Variants in PPP4R3A observed in about 807,000 individuals in gnomAD.
PPP4R3A encodes the protein protein phosphatase 4 regulatory subunit 3A.
Under a neutral mutation model 91.7 loss-of-function variants are expected in PPP4R3A, and 15 were observed. The ratio of observed to expected loss-of-function variants is 0.16; its 90% confidence interval spans 0.11 to 0.25. PPP4R3A has a LOEUF of 0.25. PPP4R3A is among the 10% of genes least tolerant of loss of function. PPP4R3A has a pLI of 1.00. For missense variants in PPP4R3A, 623 were observed against 998.4 expected (o/e 0.62, Z 5.07); for synonymous variants, 377 against 348.7 (o/e 1.08, Z -0.91).
chr14:91,467,684 G>A (rs1451600097), intron 10 of PPP4R3A, among the ~76,000 whole-genome samples: 1 of 152,182 alleles, frequency 6.6e-6, no homozygotes, highest in East Asian at 1.9e-4. Context: ...ATTGATAGAT[G>A]TGATATCTAG....
intron 11 of PPP4R3A, 119 bp downstream of exon 11, chr14:91,465,130 CT>C (rs34464175): frequency 0.46 from 280,497 of 609,388 alleles, 27,120 homozygotes; most frequent in African/African-American, 0.52. Context: ...GCTTTTAGTA[CT>C]TTTTTTTTTT....
intron 14 of PPP4R3A, among the ~76,000 whole-genome samples, chr14:91,461,102 G>A (rs8006289): frequency 0.029 from 4,374 of 152,238 alleles, 212 homozygotes; most frequent in African/African-American, 0.099. Context: ...GAACATTTCT[G>A]TAAATGTTTT....
intron 9 of PPP4R3A, among the ~76,000 whole-genome samples, chr14:91,471,626 G>C (rs550023269): frequency 1.2e-4 from 18 of 152,188 alleles, no homozygotes; most frequent in Admixed American, 1.2e-3. Context: ...AGAACATGTG[G>C]TTTGGAAAGA....
Position 91,481,804 on chromosome 14 carries a change from A to T in PPP4R3A, c.687T>A (p.Ala229=). Reference sequence around the variant, plus strand: ...CCCTGTGTTTTCGTGGTTGTGATAAAGCAGGATCATATTCTAAACATCCAA... The same window carrying T: ...CCCTGTGTTTTCGTGGTTGTGATAATGCAGGATCATATTCTAAACATCCAA... ...DVIGCLEYDP[A]LSQPRKHREF... Residue 229 remains alanine, a synonymous_variant, in exon 4 of 15, where the codon GCT becomes GCA. Coordinates refer to ENST00000554943, the MANE Select transcript of PPP4R3A (RefSeq NM_001366432.2). The T allele has an allele frequency of 6.2e-7, 1 of 1,614,138 alleles. No homozygotes were observed. The highest frequency in any genetic ancestry group is 1.1e-5 in the South Asian group (1 of 91,062).
intron 1 of PPP4R3A, among the ~76,000 whole-genome samples, chr14:91,500,436 T>C (rs1890875868): frequency 2.6e-5 from 4 of 152,148 alleles, no homozygotes. Context: ...CCTGACCTCA[T>C]GATCTGCCTG....
chr14:91,471,458 T>C (rs975597070), intron 9 of PPP4R3A, among the ~76,000 whole-genome samples: 1 of 152,200 alleles, frequency 6.6e-6, no homozygotes, highest in Non-Finnish European at 1.5e-5. Flanking sequence ...TTACTACTTG[T>C]AACGAGTCTA....
chr14:91,476,979 T>A lies in PPP4R3A; in HGVS notation c.923A>T (p.Glu308Val). The change falls in exon 5 of 15, where the codon GAA becomes GTA. Residue 308 changes from glutamate to valine, a missense_variant. Physicochemically the swap from Glu to Val is moderately radical, Grantham distance 121. Coordinates refer to ENST00000554943, the MANE Select transcript of PPP4R3A (RefSeq NM_001366432.2). ...TGCAAACAAATCTGTCAGAAATTTT[T>A]CATCTTCCTGTGAAACAAAGGACAA... ...VEIVGMLQEDEKFLTDLFAQL... is the reference protein window; with the variant it reads ...VEIVGMLQEDVKFLTDLFAQL... The A allele has an allele frequency of 6.3e-7, 1 of 1,599,512 alleles. No homozygotes were observed. Among genetic ancestry groups the A allele is most frequent in the Non-Finnish European group, 8.5e-7 (1 of 1,171,676 alleles).
chr14:91,459,241 G>A (rs1248999498), intron 14 of PPP4R3A, among the ~76,000 whole-genome samples: 1 of 152,010 alleles, frequency 6.6e-6, no homozygotes, highest in Non-Finnish European at 1.5e-5. Flanking sequence ...GAGTAGCTGT[G>A]ATTACAGGCG....
intron 1 of PPP4R3A, among the ~76,000 whole-genome samples, chr14:91,494,300 GA>G (rs1368315128): frequency 6.6e-6 from 1 of 151,936 alleles, no homozygotes; most frequent in Non-Finnish European, 1.5e-5. Context: ...CTATATAAAA[GA>G]AAAAATTGGG....
At chr14:91,458,986 G>C (rs996138148) in intron 14 of PPP4R3A, 117 bp from the exon 15 acceptor site, 35 of 1,205,160 alleles carry the variant, frequency 2.9e-5, no homozygotes, top group Non-Finnish European at 3.8e-5. Flanking sequence ...GGTTATTTCT[G>C]GGTGGTGGGA....
intron 1 of PPP4R3A, among the ~76,000 whole-genome samples, chr14:91,495,055 G>A (rs1890455560): frequency 6.6e-6 from 1 of 152,046 alleles, no homozygotes; most frequent in African/African-American, 2.4e-5. Context: ...AAGTTAAGCA[G>A]TTACCTTGCA....
rs201065747 is a variant in PPP4R3A, at chr14:91,507,640, A to AGTATATATACACGGAATATATATATATAT, written c.142+1865_142+1866insATATATATATATATTCCGTGTATATATAC. Among the ~76,000 whole-genome samples the AGTATATATACACGGAATATATATATATAT allele has an allele frequency of 9.2e-5, 12 of 129,854 alleles. 1 individual carries two copies. Among genetic ancestry groups the AGTATATATACACGGAATATATATATATAT allele is most frequent in the East Asian group, 2.1e-4 (1 of 4,724 alleles). The allele number at this position is 129,854 out of a possible 152,430, so 85.2% of individuals were successfully genotyped here. ...TATATACTATTATATATACTATAAT[A>AGTATATATACACGGAATATATATATATAT]ATATATACACGGAAAAAAATTGCTT... On this transcript the variant is annotated intron_variant, in intron 1 of 14. Transcript: ENST00000554943.
At chr14:91,466,940 A>AACACACAC (rs10525073) in intron 10 of PPP4R3A, among the ~76,000 whole-genome samples, 6,053 of 147,476 alleles carry the variant, frequency 0.041, 198 homozygotes, top group African/African-American at 0.086. Context: ...GTCCTACCAT[A>AACACACAC]ACACACACAC....
rs74501716 is a variant in PPP4R3A, at chr14:91,509,426, C to A, written c.142+80G>T. 4,567 of 1,519,530 alleles carry A rather than the reference C, an allele frequency of 3.0e-3. 180 individuals are homozygous for A. In the East Asian group the frequency reaches 0.087, roughly 29 times the overall value. The allele number at this position is 1,519,530 out of a possible 1,614,324, so 94.1% of individuals were successfully genotyped here. ...CGTCCCTCTGTTCTCGTGGAGCGAG[C>A]GCCATGCCCCGCAAGAACCAGGGAG... On this transcript the variant is annotated intron_variant, in intron 1 of 14. Coordinates refer to ENST00000554943, the MANE Select transcript of PPP4R3A (RefSeq NM_001366432.2).
chr14:91,468,269 T>A (rs993341493), intron 10 of PPP4R3A, among the ~76,000 whole-genome samples: 1 of 152,188 alleles, frequency 6.6e-6, no homozygotes, highest in African/African-American at 2.4e-5. Context: ...AAGTTCTCAT[T>A]AGATTATGAG....
In PPP4R3A at chr14:91,482,076, G is replaced by C; in HGVS notation, c.415C>G (p.Arg139Gly). Residue 139 changes from arginine (R) to glycine (G), a missense_variant, in exon 4 of 15, where the codon CGC (arginine) becomes GGC (glycine). Physicochemically the swap from Arg to Gly is moderately radical, Grantham distance 125. Around this residue, in one of 5 missense-constraint regions of PPP4R3A, gnomAD observed 264 missense variants for 377.3 expected, o/e 0.70. Coordinates refer to ENST00000554943, the MANE Select transcript of PPP4R3A (RefSeq NM_001366432.2). ...ACAAGTTCTGCAATTTCTTCAAGGC[G>C]ACTTAATTCACAAGATGGCAATTCT... ...GLELPSCELS[R>G]LEEIAELVAS... 6.2e-7 allele frequency: 1 copy of C among 1,613,982 alleles called. No individual in the cohort carries two copies. Among genetic ancestry groups the C allele is most frequent in the African/African-American group, 1.3e-5 (1 of 75,010 alleles).
Position 91,509,380 on chromosome 14 carries a change from GA to G in PPP4R3A, c.142+125del, listed in dbSNP as rs1026378141. On this transcript the variant is annotated intron_variant, in intron 1 of 14. Transcript: ENST00000554943. The stretch of plus-strand genomic sequence containing the variant: ...GGGTACCTGGGGCCCGTCCTCCCCC[GA>G]GGTGGCCGCCCTCCCCAGCCGTCCC... 8.7e-6 allele frequency: 12 copies of G among 1,373,310 alleles called. No individual in the cohort carries two copies. The African/African-American group carries it at 1.7e-4, about 20-fold the overall frequency. The allele number at this position is 1,373,310 out of a possible 1,614,324, so 85.1% of individuals were successfully genotyped here. A position where few individuals can be genotyped will look rare whatever the true frequency, so the allele number is the denominator to read the frequency against.
chr14:91,461,732 T>C, intron 13 of PPP4R3A, 125 bp from the exon 14 acceptor site: 6 of 1,030,280 alleles, frequency 5.8e-6, no homozygotes, highest in Non-Finnish European at 6.9e-6. Flanking sequence ...AAGTTCAATT[T>C]ATAAAAGAAG....
At position 91,465,605 on chromosome 14, in the gene PPP4R3A, T is replaced by C. The variant is rs148679304; in HGVS notation, c.1661-186A>G. ...TTATGAAAATGTTATCAGAAAAATG[T>C]CTTCTAAAAGTAGTATATGTCATCA... is the stretch of plus-strand genomic sequence containing the variant. On this transcript the variant is annotated intron_variant, in intron 10 of 14. Transcript: ENST00000554943. Among the ~76,000 whole-genome samples the C allele has an allele frequency of 2.0e-3, 300 of 152,314 alleles. 1 individual carries two copies. Among genetic ancestry groups the C allele is most frequent in the African/African-American group, 7.0e-3 (290 of 41,566 alleles).
Sources: allele counts gnomAD v4.1 joint callset (sites outside exome capture counted in the v4.1 genomes callset), GRCh38; gene constraint gnomAD v4.1.1; regional missense constraint gnomAD v4.1.1; transcripts MANE v1.5; gene names NCBI Gene and HGNC (gene_info 2026-07-23, HGNC 2026-07-21).